The following SCAF1 variants were observed in gnomAD, a reference collection of about 807,000 sequenced individuals.
SCAF1 encodes SR-related CTD associated factor 1.
A neutral mutation model predicts 91.2 loss-of-function variants in SCAF1; 28 were observed. The observed-to-expected ratio is 0.31, with a 90% CI of 0.23 to 0.42. SCAF1 has a LOEUF of 0.42. Ranked by LOEUF, SCAF1 falls within the 10% of genes least tolerant of loss-of-function variation. SCAF1 has a pLI of 1.00. For missense variants in SCAF1, 1,893 were observed against 1,872.1 expected (o/e 1.01, Z -0.21); for synonymous variants, 1,036 against 833.7 (o/e 1.24, Z -4.18).
Position 49,651,402 on chromosome 19 carries a change from A to T in SCAF1, c.1013A>T (p.Gln338Leu), listed in dbSNP as rs1449202437. The T allele has an allele frequency of 6.2e-7, 1 of 1,606,784 alleles. No homozygotes were observed. Among genetic ancestry groups the T allele is most frequent in the Non-Finnish European group, 8.5e-7 (1 of 1,178,334 alleles). Residue 338 changes from glutamine to leucine, a missense_variant, in exon 7 of 11, where the codon CAG becomes CTG. By Grantham distance (113) the Gln-to-Leu change is moderately radical. This residue lies in a region of SCAF1 where 1,436 missense variants were observed against 1,306.8 expected (regional missense o/e 1.10). Transcript: ENST00000360565. ...ACTCCCGCCCCTGGAACGCCGCCCC[A>T]GGTGGACTCCACCCGGGCTGATGGA... ...QPTPAPGTPP[Q>L]VDSTRADGAM...
rs754270453 is a variant in SCAF1, at chr19:49,653,377, C to T, written c.2988C>T (p.Asp996=). 6.6e-6 allele frequency: 10 copies of T among 1,523,118 alleles called. 1 individual carries two copies. The highest frequency in any genetic ancestry group is 6.0e-5 in the Admixed American group (3 of 49,622). The allele number at this position is 1,523,118 out of a possible 1,614,324, so 94.4% of individuals were successfully genotyped here. ...TCACTCCGGACTCGCAGACCGTGGA[C>T]AGCAGCTGCAAGACACCTGAGGTCT... ...PALTPDSQTV[D]SSCKTPEVSF... The change falls in exon 7 of 11, where the codon GAC becomes GAT. Residue 996 remains aspartate, a synonymous_variant. Transcript: ENST00000360565.
intron 9 of SCAF1, 128 bp downstream of exon 9, chr19:49,654,998 G>C: frequency 1.4e-6 from 1 of 718,348 alleles, no homozygotes; most frequent in Non-Finnish European, 2.2e-6. Context: ...AGAGACCAAA[G>C]TCATGGAACC....
intron 1 of SCAF1, chr19:49,644,706 T>G: frequency 4.3e-6 from 1 of 231,696 alleles, no homozygotes. Context: ...GAAGTTTGGA[T>G]AGGTTGTTGG....
chr19:49,651,560 A>T lies in SCAF1; in HGVS notation c.1171A>T (p.Ile391Phe). 6.4e-7 allele frequency: 1 copy of T among 1,555,034 alleles called. No individual in the cohort carries two copies. Among genetic ancestry groups the T allele is most frequent in the Non-Finnish European group, 8.7e-7 (1 of 1,151,560 alleles). Residue 391 changes from isoleucine to phenylalanine, a missense_variant, in exon 7 of 11, where the codon ATC (isoleucine) becomes TTC (phenylalanine). Ile to Phe is a conservative substitution (Grantham distance 21, BLOSUM62 0). Coordinates refer to ENST00000360565, the MANE Select transcript of SCAF1 (RefSeq NM_021228.3). Reference sequence around the variant, plus strand: ...CCTGCTGCCGCCCGGCGACTCGGAGATCGAGGAAGGGGAGATCGTCCAGCC... The same window carrying T: ...CCTGCTGCCGCCCGGCGACTCGGAGTTCGAGGAAGGGGAGATCGTCCAGCC... Reference protein sequence around the residue: ...PPLLPPGDSEIEEGEIVQPEE... With the variant: ...PPLLPPGDSEFEEGEIVQPEE...
At chr19:49,654,278 A>C in intron 7 of SCAF1, 71 bp from the exon 8 acceptor site, 2 of 1,305,096 alleles carry the variant, frequency 1.5e-6, no homozygotes, top group Non-Finnish European at 2.2e-6. Flanking sequence ...GCAGGTGTCC[A>C]GGTGAGGTTC....
chr19:49,654,343 C>A lies in SCAF1; in HGVS notation c.3317-6C>A, dbSNP rs2081124544. The A allele has an allele frequency of 1.2e-5, 20 of 1,613,128 alleles. No individual in the cohort carries two copies. Among genetic ancestry groups the A allele is most frequent in the Non-Finnish European group, 1.7e-5 (20 of 1,179,720 alleles). ...CTTCATGTTGTCACCTCTCTGCCTC[C>A]TGCAGTGACTGCACTTCTCTTCAAG... On this transcript the variant is annotated splice_region_variant and splice_polypyrimidine_tract_variant and intron_variant, in intron 7 of 10. Coordinates refer to ENST00000360565, the MANE Select transcript of SCAF1 (RefSeq NM_021228.3).
chr19:49,657,656 A>C (rs959572028), intron 9 of SCAF1, 105 bp from the exon 10 acceptor site: 1 of 1,369,448 alleles, frequency 7.3e-7, no homozygotes, highest in African/African-American at 1.4e-5. Context: ...GAGCAGCTGG[A>C]CGGCCAGAGA....
intron 9 of SCAF1, among the ~76,000 whole-genome samples, chr19:49,655,407 C>G (rs778392552): frequency 6.6e-6 from 1 of 152,166 alleles, no homozygotes; most frequent in Non-Finnish European, 1.5e-5. Context: ...TGCTCTGTCA[C>G]CTGGTCTGGA....
chr19:49,649,143 C>A (rs1453604688), intron 6 of SCAF1, among the ~76,000 whole-genome samples: 1 of 152,102 alleles, frequency 6.6e-6, no homozygotes, highest in African/African-American at 2.4e-5. Flanking sequence ...TTCAGGGGGA[C>A]TCTGAGGTTA....
Position 49,658,541 on chromosome 19 carries a change from TGCCCC to T in SCAF1, c.*144_*148del, listed in dbSNP as rs2081163357. On this transcript the variant is annotated 3_prime_UTR_variant, in exon 11 of 11. Transcript: ENST00000360565. ...AAGAGGAGAGCCCCCTGCCCTGCCC[TGCCCC>T]GTGTCCACCTCCCTTGCCCCCAAGC... The T allele has an allele frequency of 1.6e-6, 1 of 623,568 alleles. No individual in the cohort carries two copies. The highest frequency in any genetic ancestry group is 1.9e-5 in the South Asian group (1 of 52,162). 38.6% of individuals were successfully genotyped at this position (623,568 alleles called of 1,614,324 possible). A position where few individuals can be genotyped will look rare whatever the true frequency, so the allele number is the denominator to read the frequency against.
rs1450092444 is a variant in SCAF1, at chr19:49,657,886, C to G, written c.3744C>G (p.His1248Gln). The change falls in exon 10 of 11, where the codon CAC (histidine) becomes CAG (glutamine). Residue 1248 changes from histidine (H) to glutamine (Q), a missense_variant. His to Gln is a conservative substitution (Grantham distance 24, BLOSUM62 0). This residue lies in a region of SCAF1 where 56 missense variants were observed against 106.3 expected (regional missense o/e 0.53). Transcript: ENST00000360565. ...AGGACATCCTGAGGAAGGCCGTCCA[C>G]AAGGTGGGCACCCGGAGAGAGGGGC... ...EYKDILRKAV[H>Q]KICHSKSGEI... 3.7e-6 allele frequency: 6 copies of G among 1,610,938 alleles called. No individual in the cohort carries two copies. Among genetic ancestry groups the G allele is most frequent in the African/African-American group, 1.3e-5 (1 of 74,904 alleles).
intron 8 of SCAF1, 97 bp downstream of exon 8, chr19:49,654,528 T>C: frequency 7.2e-7 from 1 of 1,394,360 alleles, no homozygotes; most frequent in Middle Eastern, 1.8e-4. Context: ...TGGGGCAAGG[T>C]ATCGGCCTGA....
In SCAF1 at chr19:49,653,451, C is replaced by CGGA. The variant is rs763319732; in HGVS notation, c.3078_3080dup (p.Glu1039dup). ...GAGGAGGCTGGGGTCCGAGGTGGGG[C>CGGA]GGAGGAGGAGGAGGAGGAAGAAGAA... On this transcript the variant is annotated inframe_insertion, in exon 7 of 11. Coordinates refer to ENST00000360565, the MANE Select transcript of SCAF1 (RefSeq NM_021228.3). 43 of 1,537,424 alleles carry CGGA rather than the reference C, an allele frequency of 2.8e-5. No individual in the cohort carries two copies. Among genetic ancestry groups the CGGA allele is most frequent in the Admixed American group, 9.6e-5 (5 of 51,862 alleles).
intron 6 of SCAF1, among the ~76,000 whole-genome samples, chr19:49,648,622 G>A (rs1029088600): frequency 1.4e-5 from 2 of 147,958 alleles, no homozygotes; most frequent in African/African-American, 5.1e-5. Context: ...GTGATATGGT[G>A]CCTAGGACTT....
Position 49,650,890 on chromosome 19 carries a change from T to C in SCAF1, c.501T>C (p.Ser167=). The C allele has an allele frequency of 6.2e-7, 1 of 1,610,864 alleles. No individual in the cohort carries two copies. Among genetic ancestry groups the C allele is most frequent in the Non-Finnish European group, 8.5e-7 (1 of 1,178,620 alleles). ...CAGTTTCTCCACAGTCGAACTCCTC[T>C]AGGCCCACCTGTGCCCGTCACCTCA... The part of the protein sequence containing the change: ...GKTVSPQSNS[S]RPTCARHLTL... Residue 167 remains serine (S), a synonymous_variant, in exon 7 of 11, where the codon TCT becomes TCC. Coordinates refer to ENST00000360565, the MANE Select transcript of SCAF1 (RefSeq NM_021228.3).
chr19:49,650,369 G>A (rs747520300), intron 6 of SCAF1, among the ~76,000 whole-genome samples: 10 of 152,264 alleles, frequency 6.6e-5, no homozygotes, highest in Non-Finnish European at 1.2e-4. Flanking sequence ...TCTTGGAGGG[G>A]GACTTAGGTT....
At position 49,652,296 on chromosome 19, in the gene SCAF1, A is replaced by C. The variant is rs2122495596; in HGVS notation, c.1907A>C (p.Asp636Ala). ...GAGCGGCACCGCGGGAAACACCGGG[A>C]CGGTGGCGGCAGCAAGAAGAAGAAG... ...RRERHRGKHR[D>A]GGGSKKKKKR... The change falls in exon 7 of 11, where the codon GAC becomes GCC. Residue 636 changes from aspartate to alanine, a missense_variant. This residue lies in a region of SCAF1 where 1,436 missense variants were observed against 1,306.8 expected (regional missense o/e 1.10). Transcript: ENST00000360565. The C allele has an allele frequency of 6.5e-7, 1 of 1,527,556 alleles. No homozygotes were observed. Among genetic ancestry groups the C allele is most frequent in the African/African-American group, 1.4e-5 (1 of 72,026 alleles). 94.6% of individuals were successfully genotyped at this position (1,527,556 alleles called of 1,614,324 possible).
chr19:49,654,221 A>T, intron 7 of SCAF1, 128 bp from the exon 8 acceptor site: 1 of 747,960 alleles, frequency 1.3e-6, no homozygotes, highest in Non-Finnish European at 2.2e-6. Context: ...CCCAGTTCTG[A>T]GCGTGAGGCT....
intron 6 of SCAF1, among the ~76,000 whole-genome samples, chr19:49,647,333 C>T (rs143338377): frequency 9.7e-4 from 148 of 152,358 alleles, no homozygotes; most frequent in African/African-American, 2.8e-3. Context: ...TTAGACCAAA[C>T]GCGAACGCAC....
Sources: allele counts gnomAD v4.1 joint callset (sites outside exome capture counted in the v4.1 genomes callset), GRCh38; gene constraint gnomAD v4.1.1; regional missense constraint gnomAD v4.1.1; transcripts MANE v1.5; gene names NCBI Gene and HGNC (gene_info 2026-07-23, HGNC 2026-07-21).